The following MAGOH variants were observed in gnomAD, a reference collection of about 807,000 sequenced individuals.
The protein encoded by MAGOH is protein mago nashi homolog.
A neutral mutation model predicts 20.9 loss-of-function variants in MAGOH; 3 were observed. The ratio of observed to expected loss-of-function variants is 0.14; its 90% confidence interval spans 0.07 to 0.37. The LOEUF is 0.37. MAGOH is among the 10% of genes least tolerant of loss of function. The probability of loss-of-function intolerance (pLI) is 1.00; values close to 1 mark genes in which losing one functional copy is unlikely to be tolerated. For missense variants in MAGOH, 66 were observed against 178.1 expected, an observed-to-expected ratio of 0.37 and a Z score of 3.58; for synonymous variants, 51 against 61.0, an observed-to-expected ratio of 0.84 and a Z score of 0.76.
At chr1:53,231,818 TTTTTA>T (rs1287271418) in intron 3 of MAGOH, among the ~76,000 whole-genome samples, 2 of 152,228 alleles carry the variant, frequency 1.3e-5, no homozygotes, top group Non-Finnish European at 1.5e-5. Flanking sequence ...CCTACTGCGA[TTTTTA>T]TTTGAATTAA....
chr1:53,234,956 A>G (rs977534026), intron 2 of MAGOH, among the ~76,000 whole-genome samples: 2 of 152,184 alleles, frequency 1.3e-5, no homozygotes, highest in African/African-American at 4.8e-5. Flanking sequence ...ATCTCTTACT[A>G]GCAGGGGTAA....
At chr1:53,233,185 A>G (rs146747708) in intron 3 of MAGOH, 194 of 164,366 alleles carry the variant, frequency 1.2e-3, no homozygotes, top group African/African-American at 4.4e-3. Flanking sequence ...AAGGAAATCT[A>G]TTAGAAGTCT....
intron 1 of MAGOH, among the ~76,000 whole-genome samples, chr1:53,237,559 A>G (rs560869243): frequency 6.6e-6 from 1 of 150,738 alleles, no homozygotes; most frequent in African/African-American, 2.4e-5. Context: ...CTATAATTCC[A>G]GCTACTCGGG....
chr1:53,235,531 T>A, intron 2 of MAGOH, 46 bp downstream of exon 2: 4 of 1,533,690 alleles, frequency 2.6e-6, no homozygotes, highest in Non-Finnish European at 3.6e-6. Context: ...GACAAAAAGC[T>A]GAAATGTAGC....
chr1:53,228,716 T>C (rs2275087), intron 4 of MAGOH, among the ~76,000 whole-genome samples, 156 bp downstream of exon 4: 41,612 of 152,024 alleles, frequency 0.27, 6,428 homozygotes, highest in East Asian at 0.45. Flanking sequence ...TCCTCAAAAA[T>C]AATTTGGGGT....
intron 4 of MAGOH, among the ~76,000 whole-genome samples, chr1:53,228,590 T>G (rs1291625890): frequency 6.6e-6 from 1 of 152,228 alleles, no homozygotes; most frequent in African/African-American, 2.4e-5. Context: ...GAGCACTTTT[T>G]TGGCATATTC....
At chr1:53,234,617 G>A (rs1045244420) in intron 2 of MAGOH, among the ~76,000 whole-genome samples, 4 of 151,838 alleles carry the variant, frequency 2.6e-5, no homozygotes, top group Admixed American at 6.6e-5. Flanking sequence ...CTCGTGATCC[G>A]CCCGCCTCGG....
chr1:53,228,847 G>T, intron 4 of MAGOH, 25 bp downstream of exon 4: 1 of 1,526,428 alleles, frequency 6.6e-7, no homozygotes, highest in Non-Finnish European at 9.1e-7. Flanking sequence ...AGACACAACT[G>T]GATATAAGGA....
intron 1 of MAGOH, among the ~76,000 whole-genome samples, chr1:53,236,573 CT>C (rs1414975104): frequency 2.6e-5 from 4 of 152,200 alleles, no homozygotes; most frequent in South Asian, 4.1e-4. Context: ...GCCTTCTTGA[CT>C]CTTCTTCGTC....
intron 1 of MAGOH, among the ~76,000 whole-genome samples, chr1:53,238,108 T>A (rs1216456055): frequency 6.6e-6 from 1 of 152,206 alleles, no homozygotes; most frequent in African/African-American, 2.4e-5. Flanking sequence ...AGAGGGGAAG[T>A]TTGTCTACCT....
In MAGOH at chr1:53,237,673, C is replaced by CAAAAAAAAAAAAAAAAAAAA. The variant is rs1231950502; in HGVS notation, c.88+668_88+687dup. ...TGGGCAAAAAGAGCGAAAGCCGTCTCAAAAAAAAAAAAAAAAAAAAGGCCT... is the reference window on the plus strand; with the variant it reads ...TGGGCAAAAAGAGCGAAAGCCGTCTCAAAAAAAAAAAAAAAAAAAAAAAAAAAAAAAAAAAAAAAAGGCCT... On this transcript the variant is annotated intron_variant, in intron 1 of 4. Transcript: ENST00000371470. 1.1e-3 allele frequency among the ~76,000 whole-genome samples: 59 copies of CAAAAAAAAAAAAAAAAAAAA among 55,336 alleles called. 4 individuals carry two copies. The East Asian group carries it at 0.014, about 13-fold the overall frequency. The allele number at this position is 55,336 out of a possible 152,430, so 36.3% of individuals were successfully genotyped here.
At chr1:53,227,382 A>C (rs1405749219) in intron 4 of MAGOH, among the ~76,000 whole-genome samples, 1 of 152,158 alleles carries the variant, frequency 6.6e-6, no homozygotes, top group African/African-American at 2.4e-5. Flanking sequence ...GCATAGAATA[A>C]ATGCATTAAA....
intron 3 of MAGOH, among the ~76,000 whole-genome samples, chr1:53,232,418 A>G (rs1645590447): frequency 6.6e-6 from 1 of 152,214 alleles, no homozygotes; most frequent in Non-Finnish European, 1.5e-5. Context: ...CAAAGACAAC[A>G]CATATTGTGA....
intron 1 of MAGOH, among the ~76,000 whole-genome samples, chr1:53,237,289 A>C (rs1022549091): frequency 6.6e-6 from 1 of 151,552 alleles, no homozygotes; most frequent in East Asian, 2.0e-4. Flanking sequence ...ACAGTCTCCT[A>C]ATCAATAGCC....
Position 53,238,425 on chromosome 1 carries a change from A to G in MAGOH, c.24T>C (p.Arg8=). The part of the protein sequence containing the change: MESDFYL[R]YYVGHKGKFG... Reference sequence around the variant, plus strand: ...ACTTGCCCTTGTGCCCCACGTAGTAACGCAGATAAAAGTCACTCTCCATGG... The same window carrying G: ...ACTTGCCCTTGTGCCCCACGTAGTAGCGCAGATAAAAGTCACTCTCCATGG... Residue 8 remains arginine (R), a synonymous_variant, in exon 1 of 5, where the codon CGT becomes CGC. Transcript: ENST00000371470. The G allele has an allele frequency of 6.2e-7, 1 of 1,614,112 alleles. No individual in the cohort carries two copies. The highest frequency in any genetic ancestry group is 8.5e-7 in the Non-Finnish European group (1 of 1,179,974).
At chr1:53,232,233 T>A (rs771065658) in intron 3 of MAGOH, among the ~76,000 whole-genome samples, 2 of 152,230 alleles carry the variant, frequency 1.3e-5, no homozygotes, top group Non-Finnish European at 2.9e-5. Flanking sequence ...CTTCAAGGGT[T>A]GGTCCATCAT....
intron 3 of MAGOH, among the ~76,000 whole-genome samples, chr1:53,231,457 A>G (rs1018053095): frequency 3.8e-4 from 58 of 152,210 alleles, no homozygotes; most frequent in African/African-American, 1.3e-3. Context: ...CCCAGAAATA[A>G]TACAAGTCTA....
chr1:53,233,328 C>A, intron 3 of MAGOH: 8 of 422,264 alleles, frequency 1.9e-5, no homozygotes, highest in East Asian at 7.8e-5. Context: ...TATAAATATA[C>A]ATGAATTTAA....
At chr1:53,237,983 A>G (rs1246967559) in intron 1 of MAGOH, among the ~76,000 whole-genome samples, 1 of 152,176 alleles carries the variant, frequency 6.6e-6, no homozygotes, top group Non-Finnish European at 1.5e-5. Context: ...CAACCTATCT[A>G]AAAGCAGCCC....
Sources: gnomAD v4.1 joint callset for allele counts (sites outside exome capture counted in the v4.1 genomes callset) on GRCh38, gnomAD v4.1.1 for gene constraint, MANE v1.5 for transcripts, NCBI Gene and HGNC (gene_info 2026-07-23, HGNC 2026-07-21) for gene names.